The following GRIN2A variants were observed in gnomAD, a reference collection of about 807,000 sequenced individuals.
GRIN2A encodes the protein glutamate ionotropic receptor NMDA type subunit 2A.
Under a neutral mutation model 113.4 loss-of-function variants are expected in GRIN2A, and 22 were observed. The ratio of observed to expected loss-of-function variants is 0.19; its 90% CI spans 0.14 to 0.28. GRIN2A has a LOEUF of 0.28. Ranked by LOEUF, GRIN2A falls within the 10% of genes least tolerant of loss-of-function variation. The pLI is 1.00. For synonymous variants in GRIN2A, 827 were observed against 738.4 expected, an observed-to-expected ratio of 1.12 and a Z score of -1.94; for missense variants, 1,502 against 1,887.0, an observed-to-expected ratio of 0.80 and a Z score of 3.78.
intron 11 of GRIN2A, among the ~76,000 whole-genome samples, chr16:9,772,922 CAAA>C (rs71400490): frequency 1.9e-5 from 2 of 105,014 alleles, no homozygotes; most frequent in Admixed American, 1.0e-4. Context: ...ACTTCAATTT[CAAA>C]AAAAAAAAAA....
chr16:9,905,195 T>C (rs1026494887), intron 3 of GRIN2A, among the ~76,000 whole-genome samples: 1 of 152,024 alleles, frequency 6.6e-6, no homozygotes, highest in African/African-American at 2.4e-5. Flanking sequence ...TCATTTAGAG[T>C]TTAAGGGAAA....
rs574261088 is a variant in GRIN2A, at chr16:9,920,564, G to C, written c.1007+17395C>G. ...TGGCCTCCCTGCATATATGTGAATT[G>C]AATTTTTTTTTTTTTTTCAGATGGA... On this transcript the variant is annotated intron_variant, in intron 3 of 12. Coordinates refer to ENST00000330684, the MANE Select transcript of GRIN2A (RefSeq NM_001134407.3). Among the ~76,000 whole-genome samples the C allele has an allele frequency of 6.0e-5, 8 of 133,532 alleles. No individual in the cohort carries two copies. The South Asian group carries it at 1.8e-3, about 30-fold the overall frequency. 87.6% of individuals were successfully genotyped at this position (133,532 alleles called of 152,430 possible). A position where few individuals can be genotyped will look rare whatever the true frequency, so the allele number is the denominator to read the frequency against.
intron 2 of GRIN2A, among the ~76,000 whole-genome samples, chr16:10,142,482 C>T (rs980107408): frequency 2.0e-5 from 3 of 152,194 alleles, no homozygotes; most frequent in South Asian, 2.1e-4. Context: ...GGATCAAGGC[C>T]ACAAGTTCAA....
intron 11 of GRIN2A, among the ~76,000 whole-genome samples, chr16:9,788,797 C>T (rs561778846): frequency 7.0e-6 from 1 of 143,510 alleles, no homozygotes; most frequent in African/African-American, 2.6e-5. Context: ...GGCTAGAGTG[C>T]AGTGGCGCGA....
chr16:10,107,216 T>G (rs549199752), intron 2 of GRIN2A, among the ~76,000 whole-genome samples: 1 of 152,276 alleles, frequency 6.6e-6, no homozygotes, highest in South Asian at 2.1e-4. Context: ...GCGGAAGATC[T>G]CAGCACTAGT....
chr16:9,965,961 A>G (rs1353448103), intron 2 of GRIN2A, among the ~76,000 whole-genome samples: 1 of 152,222 alleles, frequency 6.6e-6, no homozygotes, highest in Admixed American at 6.5e-5. Context: ...CTGCTTTACA[A>G]TACTTTCTGG....
intron 2 of GRIN2A, among the ~76,000 whole-genome samples, chr16:10,169,312 G>C (rs1170077811): frequency 1.3e-5 from 2 of 152,108 alleles, no homozygotes; most frequent in African/African-American, 4.8e-5. Context: ...AGTGTTGCTG[G>C]AGACATCACC....
At chr16:9,849,722 G>C (rs1470162271) in intron 5 of GRIN2A, 34 bp downstream of exon 5, 4 of 1,507,554 alleles carry the variant, frequency 2.7e-6, no homozygotes, top group Admixed American at 3.3e-5. Flanking sequence ...CAAAGGGTTG[G>C]GCACGTTCAG....
chr16:10,000,057 C>G (rs1203740446), intron 2 of GRIN2A, among the ~76,000 whole-genome samples: 1 of 152,232 alleles, frequency 6.6e-6, no homozygotes, highest in East Asian at 1.9e-4. Context: ...GTTTCCTCTA[C>G]CTTCACTATA....
chr16:10,122,802 G>C (rs953299859), intron 2 of GRIN2A, among the ~76,000 whole-genome samples: 1 of 151,958 alleles, frequency 6.6e-6, no homozygotes, highest in African/African-American at 2.4e-5. Context: ...GAGGCGACTC[G>C]GAAATACACA....
At chr16:9,779,700 G>A (rs1481052616) in intron 11 of GRIN2A, among the ~76,000 whole-genome samples, 1 of 152,142 alleles carries the variant, frequency 6.6e-6, no homozygotes, top group African/African-American at 2.4e-5. Flanking sequence ...GTGGTGTGCA[G>A]GGCTGGGTTA....
At chr16:10,002,287 A>T (rs1224197239) in intron 2 of GRIN2A, among the ~76,000 whole-genome samples, 2 of 152,224 alleles carry the variant, frequency 1.3e-5, no homozygotes, top group Non-Finnish European at 2.9e-5. Flanking sequence ...AATACAATGG[A>T]AATCAAGTTT....
chr16:9,919,466 A>G (rs1261746520), intron 3 of GRIN2A, among the ~76,000 whole-genome samples: 1 of 152,168 alleles, frequency 6.6e-6, no homozygotes, highest in Non-Finnish European at 1.5e-5. Flanking sequence ...GATGCATGGG[A>G]TTATTCTGAT....
At chr16:9,927,363 G>T (rs541409464) in intron 3 of GRIN2A, among the ~76,000 whole-genome samples, 9 of 152,190 alleles carry the variant, frequency 5.9e-5, no homozygotes, top group African/African-American at 1.9e-4. Context: ...GCCCAAGATG[G>T]GTACATGACC....
chr16:9,754,701 C>T lies in GRIN2A; in HGVS notation c.*8448G>A. 4.6e-6 allele frequency: 1 copy of T among 219,400 alleles called. No homozygotes were observed. The highest frequency in any genetic ancestry group is 9.1e-6 in the Non-Finnish European group (1 of 109,500). The allele number at this position is 219,400 out of a possible 1,614,324, so 13.6% of individuals were successfully genotyped here. On this transcript the variant is annotated 3_prime_UTR_variant, in exon 13 of 13. Coordinates refer to ENST00000330684, the MANE Select transcript of GRIN2A (RefSeq NM_001134407.3). Reference sequence around the variant, plus strand: ...TGTTCATTCACTTGAATTAGCTTGACTGAGAACAGAAATAATTAAATAAGT... The same window carrying T: ...TGTTCATTCACTTGAATTAGCTTGATTGAGAACAGAAATAATTAAATAAGT...
chr16:9,817,634 G>A (rs2042209358), intron 10 of GRIN2A, among the ~76,000 whole-genome samples: 1 of 152,252 alleles, frequency 6.6e-6, no homozygotes, highest in South Asian at 2.1e-4. Context: ...ACTTGGAGAG[G>A]TGACATGACT....
intron 2 of GRIN2A, among the ~76,000 whole-genome samples, chr16:9,990,122 G>C (rs2046072069): frequency 6.6e-6 from 1 of 152,042 alleles, no homozygotes; most frequent in African/African-American, 2.4e-5. Context: ...CAAAGACATA[G>C]CATCAACCCA....
intron 3 of GRIN2A, among the ~76,000 whole-genome samples, chr16:9,914,930 T>G (rs1567173294): frequency 2.2e-5 from 2 of 91,510 alleles, no homozygotes; most frequent in African/African-American, 9.7e-5. Context: ...TTTTTTTTTT[T>G]TTTTTTTTTT....
At chr16:10,013,705 T>C (rs772143626) in intron 2 of GRIN2A, among the ~76,000 whole-genome samples, 8 of 152,246 alleles carry the variant, frequency 5.3e-5, no homozygotes, top group Non-Finnish European at 1.2e-4. Flanking sequence ...AGCGAAACCA[T>C]GACCACTGAA....
Sources: gnomAD v4.1 joint callset for allele counts (sites outside exome capture counted in the v4.1 genomes callset) on GRCh38, gnomAD v4.1.1 for gene constraint, MANE v1.5 for transcripts, NCBI Gene and HGNC (gene_info 2026-07-23, HGNC 2026-07-21) for gene names.